DNAH7: variants seen among roughly 807,000 people sequenced by gnomAD.
DNAH7 encodes the protein dynein axonemal heavy chain 7, also known as axonemal beta dynein heavy chain 7.
Under a neutral mutation model 444.6 loss-of-function variants are expected in DNAH7, and 397 were observed. The ratio of observed to expected loss-of-function variants is 0.89; its 90% confidence interval spans 0.82 to 0.97. The LOEUF (loss-of-function observed/expected upper bound fraction) is 0.97, where lower values mean the gene tolerates loss of function less well. DNAH7 is among the 50% of genes least tolerant of loss of function. DNAH7 has a pLI of 0.00. For synonymous variants in DNAH7, 1,636 were observed against 1,624.4 expected, an observed-to-expected ratio of 1.01 and a Z score of -0.17; for missense variants, 4,902 against 4,800.8, an observed-to-expected ratio of 1.02 and a Z score of -0.62.
At chr2:195,816,507 G>A (rs762004796) in intron 51 of DNAH7, 121 bp downstream of exon 51, 7 of 716,222 alleles carry the variant, frequency 9.8e-6, no homozygotes, top group Non-Finnish European at 1.6e-5. Context: ...GATTAATCAA[G>A]TTCATTTTAG....
Position 195,970,055 on chromosome 2 carries a change from C to T in DNAH7, c.2098G>A (p.Ala700Thr). The T allele has an allele frequency of 6.2e-7, 1 of 1,612,630 alleles. No homozygotes were observed. The highest frequency in any genetic ancestry group is 8.5e-7 in the Non-Finnish European group (1 of 1,179,522). Residue 700 changes from alanine (A) to threonine (T), a missense_variant, in exon 17 of 65, where the codon GCT (alanine) becomes ACT (threonine). Physicochemically the swap from Ala to Thr is moderately conservative, Grantham distance 58. Transcript: ENST00000312428. ...GAATAAAATTCTTCTGATTGCTTAGCATAACTCTCCAATTCCTCCACAAAC... is the reference window on the plus strand; with the variant it reads ...GAATAAAATTCTTCTGATTGCTTAGTATAACTCTCCAATTCCTCCACAAAC... ...ERFVEELESY[A>T]KQSEEFYSFG...
chr2:195,999,056 G>A (rs1468283187), intron 12 of DNAH7: 4 of 710,900 alleles, frequency 5.6e-6, no homozygotes, highest in Non-Finnish European at 5.2e-6. Flanking sequence ...GGGCTGCCAG[G>A]AAACAAAGCC....
chr2:195,806,878 G>C, intron 53 of DNAH7, 46 bp from the exon 54 acceptor site: 1 of 1,509,250 alleles, frequency 6.6e-7, no homozygotes, highest in Non-Finnish European at 9.1e-7. Flanking sequence ...AGATTATAAA[G>C]AGAACAGTAT....
rs376783448 is a variant in DNAH7, at chr2:195,864,777, C to A, written c.6878G>T (p.Arg2293Leu). The A allele has an allele frequency of 6.2e-7, 1 of 1,614,162 alleles. No homozygotes were observed. The change falls in exon 41 of 65, where the codon CGA (arginine) becomes CTA (leucine). Residue 2293 changes from arginine (R) to leucine (L), a missense_variant. Physicochemically the swap from Arg to Leu is moderately radical, Grantham distance 102. Transcript: ENST00000312428. Reference protein sequence around the residue: ...YREIADVDNLRMIVEIHLEEY... With the variant: ...YREIADVDNLLMIVEIHLEEY... ...TTCTAGGTGAATTTCTACTATCATT[C>A]GAAGATTATCCACATCTGCGATTTC...
chr2:195,949,498 G>A (rs1338940364), intron 19 of DNAH7, among the ~76,000 whole-genome samples: 6 of 152,100 alleles, frequency 3.9e-5, no homozygotes, highest in Admixed American at 1.3e-4. Flanking sequence ...TGGTCAGGCC[G>A]GTCTCGAACT....
At chr2:195,856,471 C>G (rs1044736684) in intron 44 of DNAH7, among the ~76,000 whole-genome samples, 1 of 152,080 alleles carries the variant, frequency 6.6e-6, no homozygotes, top group African/African-American at 2.4e-5. Flanking sequence ...TCCCTAGTAT[C>G]TGGAAAATGG....
intron 48 of DNAH7, 108 bp downstream of exon 48, chr2:195,834,098 T>C: frequency 1.7e-6 from 2 of 1,164,066 alleles, no homozygotes; most frequent in Non-Finnish European, 2.4e-6. Context: ...TCTCAGCTAC[T>C]TGGTAGGCTG....
chr2:196,037,905 A>G (rs1279510005), intron 5 of DNAH7, among the ~76,000 whole-genome samples: 2 of 152,174 alleles, frequency 1.3e-5, no homozygotes, highest in Admixed American at 1.3e-4. Context: ...CCCCAAATAG[A>G]TTCAATCCAA....
chr2:195,847,173 T>C (rs1412601739), intron 46 of DNAH7, among the ~76,000 whole-genome samples: 3 of 118,772 alleles, frequency 2.5e-5, no homozygotes, highest in Non-Finnish European at 5.3e-5. Flanking sequence ...TATAAACAGA[T>C]ATATATATAT....
chr2:195,946,637 G>A (rs1574848360), intron 19 of DNAH7, among the ~76,000 whole-genome samples: 1 of 152,192 alleles, frequency 6.6e-6, no homozygotes, highest in Non-Finnish European at 1.5e-5. Flanking sequence ...TGCAGGATCA[G>A]GTATATCAGA....
intron 42 of DNAH7, among the ~76,000 whole-genome samples, chr2:195,859,250 A>G (rs929915796): frequency 6.6e-6 from 1 of 152,216 alleles, no homozygotes. Context: ...ATGTGAAAAA[A>G]TGATTTTAAC....
chr2:195,969,440 T>C lies in DNAH7; in HGVS notation c.2205+508A>G, dbSNP rs199737433. Among the ~76,000 whole-genome samples, 21 of 152,348 alleles carry C rather than the reference T, an allele frequency of 1.4e-4. No individual in the cohort carries two copies. The East Asian group carries it at 3.9e-3, about 28-fold the overall frequency. On this transcript the variant is annotated intron_variant, in intron 17 of 64. Transcript: ENST00000312428. ...TAAATATCTTATATGGCAAAGGGTA[T>C]GGCTCTTTTTCCTCCAGCTTCCTCT...
intron 40 of DNAH7, among the ~76,000 whole-genome samples, chr2:195,865,872 C>T (rs1417734507): frequency 6.6e-6 from 1 of 152,128 alleles, no homozygotes; most frequent in African/African-American, 2.4e-5. Flanking sequence ...AAAGCGCTCT[C>T]TCCCTCTCTC....
chr2:195,750,912 G>A (rs1322237420), intron 63 of DNAH7, among the ~76,000 whole-genome samples: 2 of 152,064 alleles, frequency 1.3e-5, no homozygotes, highest in East Asian at 3.8e-4. Flanking sequence ...TTCCAGTATG[G>A]TGCTAAATTT....
intron 18 of DNAH7, among the ~76,000 whole-genome samples, chr2:195,958,528 G>C (rs1690854344): frequency 6.6e-6 from 1 of 152,080 alleles, no homozygotes; most frequent in South Asian, 2.1e-4. Context: ...ACCCCAAATT[G>C]TTCAAGGGTC....
At chr2:195,819,464 A>G (rs1697362854) in intron 49 of DNAH7, among the ~76,000 whole-genome samples, 1 of 152,146 alleles carries the variant, frequency 6.6e-6, no homozygotes, top group Admixed American at 6.6e-5. Context: ...TGCTACTTCT[A>G]TTTCCTAAAA....
At chr2:195,773,199 C>T (rs749553641) in intron 60 of DNAH7, among the ~76,000 whole-genome samples, 12 of 152,082 alleles carry the variant, frequency 7.9e-5, no homozygotes, top group Admixed American at 2.0e-4. Flanking sequence ...GAGATATGCT[C>T]GTATAATAAT....
intron 49 of DNAH7, among the ~76,000 whole-genome samples, chr2:195,820,166 A>T (rs1422852616): frequency 1.3e-5 from 2 of 152,158 alleles, no homozygotes; most frequent in Admixed American, 6.6e-5. Context: ...AGTCGGCAAT[A>T]TTAGAAATAC....
At chr2:195,822,675 G>C (rs1334837089) in intron 49 of DNAH7, among the ~76,000 whole-genome samples, 1 of 152,050 alleles carries the variant, frequency 6.6e-6, no homozygotes, top group Non-Finnish European at 1.5e-5. Context: ...CTGAATCATA[G>C]GTCAGTTTCC....
Sources: gnomAD v4.1 joint callset for allele counts (sites outside exome capture counted in the v4.1 genomes callset) on GRCh38, gnomAD v4.1.1 for gene constraint, MANE v1.5 for transcripts, NCBI Gene and HGNC (gene_info 2026-07-23, HGNC 2026-07-21) for gene names.